Variants in ANOS1 observed in about 807,000 individuals in gnomAD.
ANOS1 encodes the protein anosmin 1.
ANOS1 carries 6 observed loss-of-function variants against 59.0 expected under a neutral mutation model. The ratio of observed to expected loss-of-function variants is 0.10; its 90% confidence interval spans 0.06 to 0.20. ANOS1 has a LOEUF of 0.20. Among genes scored for constraint, ANOS1 ranks in the 10% least tolerant of loss-of-function variants. The probability of loss-of-function intolerance (pLI) is 1.00; values close to 1 mark genes in which losing one functional copy is unlikely to be tolerated. For missense variants in ANOS1, 433 were observed against 542.3 expected, an observed-to-expected ratio of 0.80 and a Z score of 2.00; for synonymous variants, 217 against 223.4, an observed-to-expected ratio of 0.97 and a Z score of 0.25.
chrX:8,588,826 C>T (rs962503132), intron 4 of ANOS1, among the ~76,000 whole-genome samples: 1 of 112,223 alleles, frequency 8.9e-6, no homozygotes, highest in African/African-American at 3.2e-5. Flanking sequence ...ATTTGTAATA[C>T]TAATAGAATA....
At chrX:8,542,121 C>A (rs1489311537) in intron 9 of ANOS1, among the ~76,000 whole-genome samples, 1 of 106,768 alleles carries the variant, frequency 9.4e-6, no homozygotes, top group East Asian at 2.9e-4. Flanking sequence ...TCTGTGTCAC[C>A]TCCATGAATC....
At chrX:8,630,303 C>T (rs975204007) in intron 2 of ANOS1, among the ~76,000 whole-genome samples, 4 of 110,633 alleles carry the variant, frequency 3.6e-5, no homozygotes, top group South Asian at 3.9e-4. Flanking sequence ...TGGTGGCAAG[C>T]GCCTGTAATC....
chrX:8,620,896 C>T (rs1188727397), intron 3 of ANOS1, among the ~76,000 whole-genome samples: 1 of 111,944 alleles, frequency 8.9e-6, no homozygotes, highest in African/African-American at 3.2e-5. Flanking sequence ...TCACAGTTAC[C>T]TCAGAGAATG....
intron 3 of ANOS1, among the ~76,000 whole-genome samples, chrX:8,611,522 A>C (rs888369840): frequency 3.6e-5 from 4 of 111,255 alleles, no homozygotes; most frequent in Non-Finnish European, 7.6e-5. Context: ...AACAAAGATA[A>C]TTAACTCAAA....
intron 6 of ANOS1, among the ~76,000 whole-genome samples, chrX:8,577,084 T>C (rs1930341700): frequency 9.0e-6 from 1 of 111,724 alleles, no homozygotes; most frequent in African/African-American, 3.3e-5. Context: ...GCAGGCCAAA[T>C]TTGGACCCTG....
intron 2 of ANOS1, among the ~76,000 whole-genome samples, chrX:8,624,921 G>A (rs1001624048): frequency 4.6e-5 from 5 of 109,473 alleles, no homozygotes; most frequent in African/African-American, 1.0e-4. Context: ...CAGCCTGGCC[G>A]ACAAAGTGAA....
intron 2 of ANOS1, among the ~76,000 whole-genome samples, chrX:8,631,846 C>T (rs17316161): frequency 0.1 from 11,282 of 111,573 alleles, 789 homozygotes; most frequent in South Asian, 0.24. Flanking sequence ...ACAGAGGCAA[C>T]GGCCAAGTGG....
intron 2 of ANOS1, among the ~76,000 whole-genome samples, chrX:8,631,405 C>A (rs1470362322): frequency 4.5e-5 from 5 of 110,671 alleles, no homozygotes; most frequent in Non-Finnish European, 9.4e-5. Context: ...AAGATCATAG[C>A]ATGTACATTT....
chrX:8,707,280 G>A (rs968909410), intron 1 of ANOS1, among the ~76,000 whole-genome samples: 2 of 111,695 alleles, frequency 1.8e-5, no homozygotes, highest in Admixed American at 9.6e-5. Context: ...TGGAGTAGGA[G>A]GTCATACAAA....
chrX:8,603,512 T>A (rs894665665), intron 3 of ANOS1, among the ~76,000 whole-genome samples: 1 of 112,159 alleles, frequency 8.9e-6, no homozygotes, highest in South Asian at 3.7e-4. Flanking sequence ...TAAAATTAAA[T>A]ACTAACAAAA....
At chrX:8,667,317 A>T (rs1309623242) in intron 2 of ANOS1, among the ~76,000 whole-genome samples, 1 of 104,777 alleles carries the variant, frequency 9.5e-6, no homozygotes, top group African/African-American at 3.5e-5. Flanking sequence ...TTGCGGGGGG[A>T]TGGGGGTGGG....
chrX:8,688,436 CTCAGATGGTTTTCATATGT>C (rs2146891511), intron 2 of ANOS1, among the ~76,000 whole-genome samples: 1 of 112,473 alleles, frequency 8.9e-6, no homozygotes, highest in South Asian at 3.7e-4. Context: ...TGCATCTTGA[CTCAGATGGTTTTCATATGT>C]TCAAAACAGA....
At chrX:8,581,002 G>C (rs770723616) in intron 6 of ANOS1, among the ~76,000 whole-genome samples, 3 of 111,185 alleles carry the variant, frequency 2.7e-5, no homozygotes, top group Admixed American at 9.6e-5. Flanking sequence ...GGGATAAATG[G>C]GCATTTATTG....
chrX:8,608,172 C>G (rs962589234), intron 3 of ANOS1, among the ~76,000 whole-genome samples: 1 of 111,916 alleles, frequency 8.9e-6, no homozygotes, highest in Non-Finnish European at 1.9e-5. Flanking sequence ...AAATATTACC[C>G]TAAGCCTTAA....
intron 3 of ANOS1, among the ~76,000 whole-genome samples, chrX:8,617,361 C>T (rs926293526): frequency 8.9e-6 from 1 of 112,277 alleles, no homozygotes. Flanking sequence ...GAAATCCCCA[C>T]AGGAGAGGCA....
chrX:8,687,593 AACACAC>A (rs58384646), intron 2 of ANOS1, among the ~76,000 whole-genome samples: 13 of 95,657 alleles, frequency 1.4e-4, no homozygotes, highest in African/African-American at 3.5e-4. Context: ...TAATCCAGTA[AACACAC>A]ACACACACAC....
intron 3 of ANOS1, among the ~76,000 whole-genome samples, chrX:8,605,064 AAAATGTTAAGATT>A (rs1391509688): frequency 1.3e-4 from 15 of 112,868 alleles, no homozygotes; most frequent in Admixed American, 1.1e-3. Context: ...TTTAAATCAG[AAAATGTTAAGATT>A]AAATGTTAAG....
intron 2 of ANOS1, among the ~76,000 whole-genome samples, chrX:8,684,818 C>T (rs1932481415): frequency 9.0e-6 from 1 of 110,757 alleles, no homozygotes; most frequent in African/African-American, 3.3e-5. Flanking sequence ...TGTGAGAACT[C>T]GGAGACTTGC....
intron 1 of ANOS1, among the ~76,000 whole-genome samples, chrX:8,708,527 G>C (rs1214621705): frequency 8.9e-6 from 1 of 111,956 alleles, no homozygotes; most frequent in South Asian, 3.7e-4. Flanking sequence ...CATCATCACT[G>C]GTCATTAGAG....
Sources: allele counts gnomAD v4.1 joint callset (sites outside exome capture counted in the v4.1 genomes callset), GRCh38; gene constraint gnomAD v4.1.1; transcripts MANE v1.5; gene names NCBI Gene and HGNC (gene_info 2026-07-23, HGNC 2026-07-21).